The following ATP2C2 variants were observed in gnomAD, a reference collection of about 807,000 sequenced individuals.
ATP2C2 encodes the protein ATPase secretory pathway Ca2+ transporting 2, also known as calcium-transporting ATPase type 2C member 2.
In ATP2C2, 171 loss-of-function variants were observed where a neutral mutation model predicts 110.8. The ratio of observed to expected loss-of-function variants is 1.54; its 90% confidence interval spans 1.36 to 1.75. The LOEUF (loss-of-function observed/expected upper bound fraction) is 1.75. ATP2C2 is among the 40% of genes most tolerant of loss of function. The pLI, the probability that ATP2C2 is intolerant of heterozygous loss-of-function variation, is 0.00. For missense variants in ATP2C2, 1,963 were observed against 1,235.0 expected (o/e 1.59, Z -8.84); for synonymous variants, 804 against 508.4 (o/e 1.58, Z -7.82).
In ATP2C2 at chr16:84,446,315, T is replaced by A; in HGVS notation, c.1402-14T>A. The A allele has an allele frequency of 6.6e-7, 1 of 1,512,204 alleles. No homozygotes were observed. The highest frequency in any genetic ancestry group is 9.0e-7 in the Non-Finnish European group (1 of 1,112,628). 93.7% of individuals were successfully genotyped at this position (1,512,204 alleles called of 1,614,324 possible). Reference sequence around the variant, plus strand: ...CGGATGACTCACTAAAAATGTGTCATTTTATTATGCTAGATGGACTTAAGT... The same window carrying A: ...CGGATGACTCACTAAAAATGTGTCAATTTATTATGCTAGATGGACTTAAGT... On this transcript the variant is annotated splice_polypyrimidine_tract_variant and intron_variant, in intron 15 of 26. Transcript: ENST00000262429.
chr16:84,423,244 C>A lies in ATP2C2; in HGVS notation c.900C>A (p.Leu300=). Residue 300 remains leucine, a synonymous_variant, in exon 10 of 27, where the codon CTC becomes CTA. Coordinates refer to ENST00000262429, the MANE Select transcript of ATP2C2 (RefSeq NM_014861.4). ...ACAGGCTAGGAAAGCAACTGACACTCTTCTCCTTTGGCATAATCGGTGAGT... is the reference window on the plus strand; with the variant it reads ...ACAGGCTAGGAAAGCAACTGACACTATTCTCCTTTGGCATAATCGGTGAGT... The part of the protein sequence containing the change: ...SMDRLGKQLT[L]FSFGIIGLIM... 6.2e-7 allele frequency: 1 copy of A among 1,614,080 alleles called. No individual in the cohort carries two copies.
chr16:84,372,548 C>T lies in ATP2C2; in HGVS notation c.99+3834C>T, dbSNP rs143930972. ...TCCCAGATTCTCCTGCCTCAGCTTC[C>T]CGAGTAGCTGGGATTACAGGCACCC... On this transcript the variant is annotated intron_variant, in intron 1 of 26. Transcript: ENST00000262429. 5.1e-4 allele frequency among the ~76,000 whole-genome samples: 77 copies of T among 152,138 alleles called. 1 individual carries two copies. The highest frequency in any genetic ancestry group is 1.6e-3 in the African/African-American group (65 of 41,554).
At chr16:84,446,599 C>G (rs558917478) in intron 16 of ATP2C2, among the ~76,000 whole-genome samples, 169 bp downstream of exon 16, 2 of 152,158 alleles carry the variant, frequency 1.3e-5, no homozygotes, top group Non-Finnish European at 2.9e-5. Context: ...TCTCTTGGGT[C>G]TGCTTCTGGC....
intron 1 of ATP2C2, 47 bp downstream of exon 1, chr16:84,368,761 C>G: frequency 7.0e-7 from 1 of 1,426,866 alleles, no homozygotes; most frequent in Non-Finnish European, 9.4e-7. Context: ...GACCCCCCAT[C>G]CCCTCCGTCG....
intron 25 of ATP2C2, 62 bp downstream of exon 25, chr16:84,461,874 C>G: frequency 1.2e-6 from 2 of 1,607,416 alleles, no homozygotes; most frequent in Non-Finnish European, 1.7e-6. Context: ...AGCAGCGCCC[C>G]GACCCTGCCC....
chr16:84,433,734 C>T (rs536129026), intron 11 of ATP2C2, among the ~76,000 whole-genome samples: 2 of 152,140 alleles, frequency 1.3e-5, no homozygotes, highest in African/African-American at 2.4e-5. Context: ...GCATCCAATC[C>T]CTGTCTTATA....
At chr16:84,378,598 C>G (rs1910388401) in intron 1 of ATP2C2, among the ~76,000 whole-genome samples, 1 of 152,322 alleles carries the variant, frequency 6.6e-6, no homozygotes, top group Middle Eastern at 3.4e-3. Context: ...TGCACAATGC[C>G]TTGTTCACAA....
intron 1 of ATP2C2, among the ~76,000 whole-genome samples, chr16:84,392,051 A>T (rs1350930815): frequency 6.6e-6 from 1 of 151,614 alleles, no homozygotes; most frequent in South Asian, 2.1e-4. Context: ...TTAATTTTAT[A>T]CTATTTAATT....
At chr16:84,369,989 T>C (rs1367033581) in intron 1 of ATP2C2, among the ~76,000 whole-genome samples, 5 of 152,210 alleles carry the variant, frequency 3.3e-5, no homozygotes, top group Non-Finnish European at 7.4e-5. Flanking sequence ...GAGTTTGAAG[T>C]TTATTTGCCA....
chr16:84,429,195 A>T (rs1908048117), intron 11 of ATP2C2, among the ~76,000 whole-genome samples: 1 of 152,152 alleles, frequency 6.6e-6, no homozygotes. Context: ...CTTGTCGCCC[A>T]GGCTGGAGTG....
At chr16:84,380,020 G>A (rs914637437) in intron 1 of ATP2C2, among the ~76,000 whole-genome samples, 1 of 152,154 alleles carries the variant, frequency 6.6e-6, no homozygotes. Context: ...TGGGCTACAC[G>A]TGCTCCTGCA....
chr16:84,425,601 A>T, intron 10 of ATP2C2, 134 bp from the exon 11 acceptor site: 1 of 951,910 alleles, frequency 1.1e-6, no homozygotes, highest in Non-Finnish European at 1.7e-6. Context: ...GACGGGTTGA[A>T]AGTGGTTGAG....
intron 16 of ATP2C2, among the ~76,000 whole-genome samples, 155 bp downstream of exon 16, chr16:84,446,585 T>A (rs1597854391): frequency 6.6e-6 from 1 of 152,194 alleles, no homozygotes; most frequent in African/African-American, 2.4e-5. Context: ...ATCATACCTT[T>A]GATTCTCTTG....
intron 11 of ATP2C2, among the ~76,000 whole-genome samples, chr16:84,436,351 G>A (rs1908734880): frequency 6.6e-6 from 1 of 152,188 alleles, no homozygotes; most frequent in Non-Finnish European, 1.5e-5. Context: ...AGGAGGGCCT[G>A]GGCTCTGGGA....
chr16:84,440,081 G>GC, intron 13 of ATP2C2, among the ~76,000 whole-genome samples: 2 of 152,284 alleles, frequency 1.3e-5, no homozygotes, highest in South Asian at 4.1e-4. Flanking sequence ...CAGGTGATCC[G>GC]CCCGCCTTGG....
At chr16:84,427,203 T>C (rs1241047168) in intron 11 of ATP2C2, among the ~76,000 whole-genome samples, 1 of 152,104 alleles carries the variant, frequency 6.6e-6, no homozygotes, top group Non-Finnish European at 1.5e-5. Context: ...CATATGTATA[T>C]ATATGTAATT....
intron 1 of ATP2C2, among the ~76,000 whole-genome samples, chr16:84,373,631 G>C (rs1273948495): frequency 6.6e-6 from 1 of 152,208 alleles, no homozygotes; most frequent in Non-Finnish European, 1.5e-5. Flanking sequence ...CACTCAAAGG[G>C]AAGGGGTTAC....
intron 6 of ATP2C2, among the ~76,000 whole-genome samples, chr16:84,411,523 C>T (rs1425285808): frequency 1.3e-5 from 2 of 152,168 alleles, no homozygotes; most frequent in Non-Finnish European, 2.9e-5. Context: ...TTCGCTGCAA[C>T]CTCCGCCTCC....
intron 11 of ATP2C2, among the ~76,000 whole-genome samples, chr16:84,435,408 A>G (rs528341397): frequency 6.5e-4 from 99 of 152,340 alleles, no homozygotes; most frequent in African/African-American, 2.4e-3. Context: ...CAGCCAACCC[A>G]GGTGGAGTGC....
Sources: allele counts gnomAD v4.1 joint callset (sites outside exome capture counted in the v4.1 genomes callset), GRCh38; gene constraint gnomAD v4.1.1; transcripts MANE v1.5; gene names NCBI Gene and HGNC (gene_info 2026-07-23, HGNC 2026-07-21).